The following RALB variants were observed in gnomAD, a reference collection of about 807,000 sequenced individuals.
RALB encodes the protein ras-related protein Ral-B.
A neutral mutation model predicts 21.3 loss-of-function variants in RALB; 16 were observed. That is an observed-to-expected ratio of 0.75 (90% CI 0.51 to 1.14). RALB has a LOEUF of 1.14. RALB is among the 50% of genes most tolerant of loss of function. RALB has a pLI of 0.00. For missense variants in RALB, 161 were observed against 256.2 expected, an observed-to-expected ratio of 0.63 and a Z score of 2.54; for synonymous variants, 93 against 96.1, an observed-to-expected ratio of 0.97 and a Z score of 0.19.
At chr2:120,288,222 A>G (rs1310090634) in intron 3 of RALB, among the ~76,000 whole-genome samples, 2 of 152,172 alleles carry the variant, frequency 1.3e-5, no homozygotes, top group Non-Finnish European at 2.9e-5. Flanking sequence ...CTTTGACCCC[A>G]GTTCAAATGT....
At chr2:120,241,713 C>T (rs185508613) in intron 1 of RALB, among the ~76,000 whole-genome samples, 91 of 151,076 alleles carry the variant, frequency 6.0e-4, no homozygotes, top group South Asian at 1.3e-3. Flanking sequence ...GCAACAAGAG[C>T]GAAACTCCAT....
At chr2:120,259,577 C>T (rs1449548246) in intron 1 of RALB, among the ~76,000 whole-genome samples, 2 of 151,542 alleles carry the variant, frequency 1.3e-5, no homozygotes, top group Non-Finnish European at 2.9e-5. Context: ...GATTGGTGCA[C>T]TCACAAACCT....
At chr2:120,242,073 C>T (rs1383604067) in intron 1 of RALB, among the ~76,000 whole-genome samples, 3 of 152,182 alleles carry the variant, frequency 2.0e-5, no homozygotes, top group East Asian at 3.8e-4. Flanking sequence ...GGAATGATCC[C>T]TCAGCTTCAA....
chr2:120,275,367 C>G (rs1573343963), intron 1 of RALB, among the ~76,000 whole-genome samples: 1 of 152,238 alleles, frequency 6.6e-6, no homozygotes, highest in African/African-American at 2.4e-5. Context: ...TCTTACTGCT[C>G]TGATTCTCTC....
At chr2:120,284,235 T>C (rs1295532755) in intron 2 of RALB, among the ~76,000 whole-genome samples, 3 of 152,214 alleles carry the variant, frequency 2.0e-5, no homozygotes, top group Admixed American at 6.5e-5. Flanking sequence ...ATTTTTATTT[T>C]TGAGTAGCTG....
At chr2:120,276,201 C>A (rs1034140390) in intron 1 of RALB, among the ~76,000 whole-genome samples, 1 of 152,252 alleles carries the variant, frequency 6.6e-6, no homozygotes, top group Non-Finnish European at 1.5e-5. Flanking sequence ...CAGCCGCTGG[C>A]ATGCAGCTGT....
upstream of RALB, among the ~76,000 whole-genome samples, chr2:120,250,557 C>G (rs1001374655): frequency 2.0e-5 from 3 of 152,160 alleles, no homozygotes; most frequent in Non-Finnish European, 2.9e-5. Context: ...CTAAAGACTC[C>G]CACAGTAATC....
chr2:120,273,640 C>T (rs1037131971), intron 1 of RALB, among the ~76,000 whole-genome samples: 1 of 152,334 alleles, frequency 6.6e-6, no homozygotes, highest in Middle Eastern at 3.4e-3. Flanking sequence ...ACTAGAAATT[C>T]CTCTCAGGGT....
chr2:120,292,412 C>T (rs549043769), intron 4 of RALB, among the ~76,000 whole-genome samples: 1 of 152,274 alleles, frequency 6.6e-6, no homozygotes, highest in Non-Finnish European at 1.5e-5. Context: ...GGAAAGCTGT[C>T]ATGCATAATG....
chr2:120,258,376 T>G (rs1689250158), intron 1 of RALB, among the ~76,000 whole-genome samples: 1 of 152,186 alleles, frequency 6.6e-6, no homozygotes, highest in South Asian at 2.1e-4. Context: ...AGTGTGTGTG[T>G]GTGCAGGCAC....
chr2:120,259,478 C>T (rs1014560975), intron 1 of RALB, among the ~76,000 whole-genome samples: 22 of 152,226 alleles, frequency 1.4e-4, no homozygotes, highest in African/African-American at 4.6e-4. Flanking sequence ...TTGAGCTAAA[C>T]ACAGGGTGCT....
chr2:120,242,680 G>A (rs568835556), intron 1 of RALB, among the ~76,000 whole-genome samples: 3 of 152,298 alleles, frequency 2.0e-5, no homozygotes, highest in African/African-American at 4.8e-5. Flanking sequence ...AGAGCTTGCC[G>A]TGAGCTGAGA....
At chr2:120,246,570 TTGTC>T (rs1670456803) in intron 1 of RALB, among the ~76,000 whole-genome samples, 1 of 152,244 alleles carries the variant, frequency 6.6e-6, no homozygotes, top group Non-Finnish European at 1.5e-5. Context: ...CATGTCCTCT[TTGTC>T]TGTCTGTCCA....
intron 4 of RALB, 27 bp downstream of exon 4, chr2:120,289,784 A>G (rs973527776): frequency 8.3e-6 from 13 of 1,566,902 alleles, no homozygotes; most frequent in Non-Finnish European, 1.1e-5. Flanking sequence ...TGTATTTCTC[A>G]GAAACAGACC....
chr2:120,249,886 T>C (rs1376022086), upstream of RALB, among the ~76,000 whole-genome samples: 1 of 152,192 alleles, frequency 6.6e-6, no homozygotes, highest in African/African-American at 2.4e-5. Flanking sequence ...TGCTCACCAT[T>C]CCAGGCCTCC....
At chr2:120,277,870 TGA>T (rs1689869156) in intron 1 of RALB, among the ~76,000 whole-genome samples, 2 of 69,152 alleles carry the variant, frequency 2.9e-5, no homozygotes, top group Admixed American at 1.2e-4. Context: ...TGTGTGAATG[TGA>T]GAACATGAGT....
At chr2:120,284,260 A>G (rs936061061) in intron 2 of RALB, among the ~76,000 whole-genome samples, 3 of 152,236 alleles carry the variant, frequency 2.0e-5, no homozygotes, top group Admixed American at 1.3e-4. Flanking sequence ...CTGACAATAC[A>G]AGGCTCTTTT....
chr2:120,268,989 G>T (rs1042986738), intron 1 of RALB, among the ~76,000 whole-genome samples: 1 of 152,136 alleles, frequency 6.6e-6, no homozygotes, highest in African/African-American at 2.4e-5. Context: ...GTTTCTGATA[G>T]AATTTGGATC....
At chr2:120,280,628 C>T (rs756150014) in intron 2 of RALB, among the ~76,000 whole-genome samples, 20 of 151,548 alleles carry the variant, frequency 1.3e-4, no homozygotes, top group Non-Finnish European at 1.8e-4. Flanking sequence ...GATGATGGGT[C>T]GATAGGTGCA....
Sources: allele counts gnomAD v4.1 joint callset (sites outside exome capture counted in the v4.1 genomes callset), GRCh38; gene constraint gnomAD v4.1.1; transcripts MANE v1.5; gene names NCBI Gene and HGNC (gene_info 2026-07-23, HGNC 2026-07-21).